Variants in ABCC11 observed in about 807,000 individuals in gnomAD.
The protein encoded by ABCC11 is ATP binding cassette subfamily C member 11.
In ABCC11, 135 loss-of-function variants were observed where a neutral mutation model predicts 149.3. The observed-to-expected ratio is 0.90, with a 90% CI of 0.79 to 1.04. ABCC11 has a LOEUF of 1.04. ABCC11 is among the 50% of genes least tolerant of loss of function. ABCC11 has a pLI of 0.00. For synonymous variants in ABCC11, 665 were observed against 671.4 expected, an observed-to-expected ratio of 0.99 and a Z score of 0.15; for missense variants, 1,680 against 1,722.1, an observed-to-expected ratio of 0.98 and a Z score of 0.43.
chr16:48,198,625 A>G (rs7203695), intron 15 of ABCC11, among the ~76,000 whole-genome samples: 38,227 of 151,814 alleles, frequency 0.25, 5,606 homozygotes, highest in African/African-American at 0.39. Flanking sequence ...GTAGAAGGAT[A>G]TACACTGAAG....
chr16:48,214,205 C>G (rs528143350), intron 9 of ABCC11, among the ~76,000 whole-genome samples: 1 of 152,178 alleles, frequency 6.6e-6, no homozygotes, highest in South Asian at 2.1e-4. Flanking sequence ...CTTGTGTCAT[C>G]TCAGTGTGAG....
intron 10 of ABCC11, 72 bp downstream of exon 10, chr16:48,213,371 G>T: frequency 1.5e-6 from 2 of 1,371,740 alleles, no homozygotes; most frequent in Non-Finnish European, 2.0e-6. Flanking sequence ...GTGTTCTGGA[G>T]GAACATCATG....
At position 48,192,475 on chromosome 16, in the gene ABCC11, G is replaced by A. The variant is rs768885078; in HGVS notation, c.2706+45C>T. On this transcript the variant is annotated intron_variant, in intron 20 of 29. Transcript: ENST00000356608. ...AAAAAATAAAAATGAAGCTGGGCAAGTTCAGAGCTCAGCCTTCGGCCCCAC... is the reference window on the plus strand; with the variant it reads ...AAAAAATAAAAATGAAGCTGGGCAAATTCAGAGCTCAGCCTTCGGCCCCAC... The A allele has an allele frequency of 1.4e-5, 22 of 1,594,090 alleles. No individual in the cohort carries two copies. In the African/African-American group the frequency reaches 3.0e-4, roughly 21 times the overall value.
Position 48,211,038 on chromosome 16 carries a change from C to A in ABCC11, c.1518G>T (p.Gly506=), listed in dbSNP as rs761077695. ...ELERNGHASE[G]MTRPRDALGP... ...CGAGGGCATCTCTAGGCCTGGTCATCCCCTCAGAAGCATGCCCGTTCCTCT... is the reference window on the plus strand; with the variant it reads ...CGAGGGCATCTCTAGGCCTGGTCATACCCTCAGAAGCATGCCCGTTCCTCT... Residue 506 remains glycine, a synonymous_variant, in exon 11 of 30, where the codon GGG becomes GGT. Transcript: ENST00000356608. 1 of 1,614,210 alleles carries A rather than the reference C, an allele frequency of 6.2e-7. No individual in the cohort carries two copies. The highest frequency in any genetic ancestry group is 1.7e-5 in the Admixed American group (1 of 60,032).
intron 22 of ABCC11, among the ~76,000 whole-genome samples, chr16:48,185,491 C>A (rs1349304810): frequency 6.6e-6 from 1 of 152,136 alleles, no homozygotes; most frequent in Non-Finnish European, 1.5e-5. Context: ...TATTATTTTA[C>A]TTGCTTTGTT....
chr16:48,194,884 T>C (rs1176158440), intron 18 of ABCC11, among the ~76,000 whole-genome samples: 2 of 152,192 alleles, frequency 1.3e-5, no homozygotes, highest in African/African-American at 4.8e-5. Flanking sequence ...ATATATGTTG[T>C]TACAGCAGCA....
rs2150768723 is a variant in ABCC11 at position 48,187,368 on chromosome 16, G to A, written c.2766C>T (p.Cys922=). Residue 922 remains cysteine, a synonymous_variant, in exon 21 of 30, where the codon TGC becomes TGT. Coordinates refer to ENST00000356608, the MANE Select transcript of ABCC11 (RefSeq NM_001370497.1). ...CCAGCTGTTCCAAGTCCCCTGCGAA[G>A]CAGTTCAAAAGCCGGCCTATTGGGA... is the stretch of plus-strand genomic sequence containing the variant. ...DTIPIGRLLN[C]FAGDLEQLDQ... 6.2e-7 allele frequency: 1 copy of A among 1,614,190 alleles called. No homozygotes were observed. The highest frequency in any genetic ancestry group is 8.5e-7 in the Non-Finnish European group (1 of 1,180,030).
In ABCC11 at chr16:48,231,860, A is replaced by T; in HGVS notation, c.62T>A (p.Ile21Asn). 6.2e-7 allele frequency: 1 copy of T among 1,614,184 alleles called. No individual in the cohort carries two copies. The part of the protein sequence containing the change: ...NSSGGLVNRG[I>N]DIGDDMVSGL... ...TGAAACCATGTCATCGCCTATGTCG[A>T]TGCCACGATTCACGAGGCCACCAGA... The change falls in exon 2 of 30, where the codon ATC (isoleucine) becomes AAC (asparagine). Residue 21 changes from isoleucine (I) to asparagine (N), a missense_variant. Coordinates refer to ENST00000356608, the MANE Select transcript of ABCC11 (RefSeq NM_001370497.1).
chr16:48,232,266 C>G (rs1970466795), intron 1 of ABCC11: 1 of 221,202 alleles, frequency 4.5e-6, no homozygotes, highest in Non-Finnish European at 8.8e-6. Flanking sequence ...CTTGCTTTAT[C>G]CCAGTCTTTA....
intron 1 of ABCC11, among the ~76,000 whole-genome samples, chr16:48,241,325 T>C (rs1202117752): frequency 6.6e-6 from 1 of 152,174 alleles, no homozygotes; most frequent in Non-Finnish European, 1.5e-5. Flanking sequence ...TTGAATGAAC[T>C]TCTACAAAAT....
At position 48,177,061 on chromosome 16, in the gene ABCC11, C is replaced by A. The variant is rs2150735027; in HGVS notation, c.3401G>T (p.Gly1134Val). The A allele has an allele frequency of 1.2e-6, 2 of 1,614,120 alleles. No individual in the cohort carries two copies. The highest frequency in any genetic ancestry group is 2.7e-5 in the African/African-American group (2 of 75,028). ...LHMEGTSCPQ[G>V]WPQHGEIIFQ... Reference sequence around the variant, plus strand: ...TATGATTTCCCCATGCTGTGGCCACCCCTGGGGACAACTTGTGCCTTCCAT... The same window carrying A: ...TATGATTTCCCCATGCTGTGGCCACACCTGGGGACAACTTGTGCCTTCCAT... Residue 1134 changes from glycine to valine, a missense_variant, in exon 25 of 30, where the codon GGG becomes GTG. Coordinates refer to ENST00000356608, the MANE Select transcript of ABCC11 (RefSeq NM_001370497.1).
At chr16:48,190,422 A>T (rs577266123) in intron 20 of ABCC11, among the ~76,000 whole-genome samples, 1 of 151,616 alleles carries the variant, frequency 6.6e-6, no homozygotes, top group Non-Finnish European at 1.5e-5. Flanking sequence ...GTGCAGTGGC[A>T]TGATCTCAGC....
chr16:48,204,638 T>C (rs1968277269), intron 13 of ABCC11, among the ~76,000 whole-genome samples: 2 of 152,184 alleles, frequency 1.3e-5, no homozygotes, highest in South Asian at 4.1e-4. Context: ...TGGACATAAT[T>C]GTGAGGTGTC....
chr16:48,200,696 G>A (rs1473048662), intron 14 of ABCC11, among the ~76,000 whole-genome samples: 2 of 152,194 alleles, frequency 1.3e-5, no homozygotes, highest in Non-Finnish European at 2.9e-5. Context: ...GAGGTAGAGA[G>A]TAGAATGATG....
At chr16:48,199,558 C>A (rs970744998) in intron 15 of ABCC11, among the ~76,000 whole-genome samples, 1 of 151,936 alleles carries the variant, frequency 6.6e-6, no homozygotes. Context: ...CATTGCACTG[C>A]GGTCATCATC....
chr16:48,215,975 A>G, intron 7 of ABCC11, 139 bp downstream of exon 7: 2 of 893,664 alleles, frequency 2.2e-6, no homozygotes, highest in Non-Finnish European at 3.4e-6. Flanking sequence ...AGTTTGAAGT[A>G]GGGAGTGGAG....
downstream of ABCC11, chr16:48,165,765 G>A (rs557369827): frequency 2.0e-4 from 31 of 152,308 alleles, no homozygotes; most frequent in African/African-American, 6.0e-4. Context: ...GCAAGAGAGT[G>A]AGAAATATTG....
intron 6 of ABCC11, among the ~76,000 whole-genome samples, chr16:48,219,541 A>C: frequency 6.6e-6 from 1 of 152,224 alleles, no homozygotes; most frequent in East Asian, 1.9e-4. Context: ...GCACAGGGGA[A>C]GAAACTAGGC....
chr16:48,236,907 T>C (rs1970717658), intron 1 of ABCC11, among the ~76,000 whole-genome samples: 1 of 152,220 alleles, frequency 6.6e-6, no homozygotes, highest in Non-Finnish European at 1.5e-5. Context: ...TTGGGGCACA[T>C]GTATGTATTA....
Sources: gnomAD v4.1 joint callset for allele counts (sites outside exome capture counted in the v4.1 genomes callset) on GRCh38, gnomAD v4.1.1 for gene constraint, MANE v1.5 for transcripts, NCBI Gene and HGNC (gene_info 2026-07-23, HGNC 2026-07-21) for gene names.